The following L3MBTL4 variants were observed in gnomAD, a reference collection of about 807,000 sequenced individuals.
L3MBTL4 encodes the protein L3MBTL histone methyl-lysine binding protein 4.
Under a neutral mutation model 84.5 loss-of-function variants are expected in L3MBTL4, and 70 were observed. The observed-to-expected ratio is 0.83, with a 90% CI of 0.68 to 1.01. The LOEUF is 1.01. Among genes scored for constraint, L3MBTL4 ranks in the 50% least tolerant of loss-of-function variants. The pLI, the probability that L3MBTL4 is intolerant of heterozygous loss-of-function variation, is 0.00. For missense variants in L3MBTL4, 715 were observed against 754.8 expected (o/e 0.95, Z 0.62); for synonymous variants, 274 against 259.8 (o/e 1.05, Z -0.52).
At chr18:6,099,804 G>A (rs1476888311) in intron 14 of L3MBTL4, among the ~76,000 whole-genome samples, 2 of 151,190 alleles carry the variant, frequency 1.3e-5, no homozygotes, top group Non-Finnish European at 3.0e-5. Context: ...AAGTATAAAT[G>A]CTTTTTAAAG....
At chr18:6,081,804 G>A (rs1441453436) in intron 15 of L3MBTL4, among the ~76,000 whole-genome samples, 1 of 152,138 alleles carries the variant, frequency 6.6e-6, no homozygotes, top group African/African-American at 2.4e-5. Flanking sequence ...TGAGATAATT[G>A]TATCTATATG....
intron 16 of L3MBTL4, among the ~76,000 whole-genome samples, chr18:6,039,446 C>A (rs1305286740): frequency 6.6e-6 from 1 of 152,150 alleles, no homozygotes; most frequent in Admixed American, 6.5e-5. Flanking sequence ...AATGTCTGTG[C>A]TAAAGAAAAG....
chr18:6,203,465 G>A (rs1165556638), intron 12 of L3MBTL4, among the ~76,000 whole-genome samples: 5 of 152,190 alleles, frequency 3.3e-5, no homozygotes, highest in Admixed American at 3.3e-4. Flanking sequence ...CACTGTTGAG[G>A]TGGAAGGACT....
chr18:6,370,865 G>A (rs1417012431), intron 1 of L3MBTL4, among the ~76,000 whole-genome samples: 3 of 152,210 alleles, frequency 2.0e-5, no homozygotes, highest in Admixed American at 1.3e-4. Flanking sequence ...TTCCATGACT[G>A]GAGGCCAGCG....
At chr18:5,959,471 C>G (rs979136051) in intron 18 of L3MBTL4, among the ~76,000 whole-genome samples, 3 of 152,134 alleles carry the variant, frequency 2.0e-5, no homozygotes, top group African/African-American at 4.8e-5. Flanking sequence ...CTTCCGGGGC[C>G]CCTATAGCTA....
chr18:6,029,293 G>C, intron 16 of L3MBTL4: 2 of 284,772 alleles, frequency 7.0e-6, no homozygotes, highest in Non-Finnish European at 1.1e-5. Flanking sequence ...CTGCCCAGGA[G>C]TATGCTTAAA....
intron 16 of L3MBTL4, among the ~76,000 whole-genome samples, chr18:5,987,261 T>C (rs1215665013): frequency 6.6e-6 from 1 of 152,298 alleles, no homozygotes; most frequent in East Asian, 1.9e-4. Context: ...AAAAGAGGAA[T>C]GAAGGAAAAA....
At chr18:6,308,645 T>C (rs1233834593) in intron 3 of L3MBTL4, among the ~76,000 whole-genome samples, 1 of 152,332 alleles carries the variant, frequency 6.6e-6, no homozygotes, top group East Asian at 1.9e-4. Flanking sequence ...ACATTCATAA[T>C]TAAGTGCAAA....
At position 6,375,095 on chromosome 18, in the gene L3MBTL4, C is replaced by T. The variant is rs1251382563; in HGVS notation, c.-91+39706G>A. ...GTCTGATCTGCAGAATTAATTCAGA[C>T]GTCCACACAGGAACTGCAAACCCTG... is the stretch of plus-strand genomic sequence containing the variant. On this transcript the variant is annotated intron_variant, in intron 1 of 18. Coordinates refer to ENST00000317931, the MANE Select transcript of L3MBTL4 (RefSeq NM_001330559.2). 2.6e-5 allele frequency among the ~76,000 whole-genome samples: 4 copies of T among 152,284 alleles called. No homozygotes were observed. In the East Asian group the frequency reaches 5.8e-4, roughly 22 times the overall value.
chr18:6,292,139 T>G (rs903086856), intron 4 of L3MBTL4, among the ~76,000 whole-genome samples: 1 of 152,206 alleles, frequency 6.6e-6, no homozygotes, highest in Non-Finnish European at 1.5e-5. Flanking sequence ...ACTACGTACA[T>G]GTAGCATGCA....
At chr18:6,160,285 G>A (rs1049811565) in intron 13 of L3MBTL4, among the ~76,000 whole-genome samples, 3 of 152,218 alleles carry the variant, frequency 2.0e-5, no homozygotes, top group African/African-American at 7.2e-5. Flanking sequence ...TGTGTTGCAA[G>A]TCAGCAGTGT....
chr18:6,029,809 T>C (rs2055693981), intron 16 of L3MBTL4: 8 of 985,260 alleles, frequency 8.1e-6, no homozygotes, highest in South Asian at 4.7e-5. Flanking sequence ...TTTGGAAAAA[T>C]GAACGAGTAA....
intron 15 of L3MBTL4, among the ~76,000 whole-genome samples, chr18:6,083,188 T>G (rs1277029230): frequency 6.6e-6 from 1 of 152,170 alleles, no homozygotes; most frequent in African/African-American, 2.4e-5. Flanking sequence ...TACTGATTAT[T>G]TATGGAAGGC....
In L3MBTL4 at chr18:6,269,022, G is replaced by A. The variant is rs1003344482; in HGVS notation, c.128-4984C>T. 7.2e-5 allele frequency among the ~76,000 whole-genome samples: 11 copies of A among 152,186 alleles called. No homozygotes were observed. The South Asian group carries it at 2.3e-3, about 32-fold the overall frequency. ...AGCTCGGGCACCCCCACTAGACACC[G>A]CTGACTCACTCTAGCACACACAGTC... On this transcript the variant is annotated intron_variant, in intron 4 of 18. Transcript: ENST00000317931.
chr18:6,399,799 G>A (rs1038176830), intron 1 of L3MBTL4: 2 of 152,036 alleles, frequency 1.3e-5, no homozygotes, highest in Non-Finnish European at 2.9e-5. Flanking sequence ...AATAATTTTG[G>A]CTCCTTCCCA....
chr18:6,142,773 T>A lies in L3MBTL4; in HGVS notation c.1097-4477A>T, dbSNP rs148578220. ...TTCTACAAAAAAATAATCTTAAAAG[T>A]TATTTGGGCATGGTGGCATGTACCG... On this transcript the variant is annotated intron_variant, in intron 13 of 18. Transcript: ENST00000317931. Among the ~76,000 whole-genome samples, 485 of 152,122 alleles carry A rather than the reference T, an allele frequency of 3.2e-3. 2 individuals are homozygous for A. The highest frequency in any genetic ancestry group is 0.011 in the African/African-American group (451 of 41,504).
chr18:6,354,715 C>T (rs900023230), intron 1 of L3MBTL4, among the ~76,000 whole-genome samples: 8 of 151,962 alleles, frequency 5.3e-5, no homozygotes, highest in African/African-American at 1.9e-4. Context: ...AAATGTAAAT[C>T]AAAACTAGAA....
chr18:6,159,985 G>A (rs1173390138), intron 13 of L3MBTL4, among the ~76,000 whole-genome samples: 1 of 152,140 alleles, frequency 6.6e-6, no homozygotes, highest in Non-Finnish European at 1.5e-5. Flanking sequence ...ATTTCTGAAA[G>A]AGTGTTTAAA....
chr18:6,057,062 G>A (rs1026478757), intron 16 of L3MBTL4, among the ~76,000 whole-genome samples: 14 of 147,952 alleles, frequency 9.5e-5, no homozygotes, highest in African/African-American at 5.0e-5. Flanking sequence ...ATGGAATCTC[G>A]CTCTCTCATC....
Sources: gnomAD v4.1 joint callset for allele counts (sites outside exome capture counted in the v4.1 genomes callset) on GRCh38, gnomAD v4.1.1 for gene constraint, MANE v1.5 for transcripts, NCBI Gene and HGNC (gene_info 2026-07-23, HGNC 2026-07-21) for gene names.